OSBPL9: variants seen among roughly 807,000 people sequenced by gnomAD.
OSBPL9 encodes oxysterol binding protein like 9.
Under a neutral mutation model 106.6 loss-of-function variants are expected in OSBPL9, and 40 were observed. The observed-to-expected ratio is 0.38, with a 90% CI of 0.29 to 0.49. The LOEUF (loss-of-function observed/expected upper bound fraction) is 0.49. Among genes scored for constraint, OSBPL9 ranks in the 20% least tolerant of loss-of-function variants. OSBPL9 has a pLI of 0.97. For synonymous variants in OSBPL9, 269 were observed against 295.4 expected (o/e 0.91, Z 0.92); for missense variants, 609 against 887.2 (o/e 0.69, Z 3.98).
chr1:51,787,922 ACTT>A lies in OSBPL9; in HGVS notation c.*134_*136del. 1.3e-6 allele frequency: 1 copy of A among 765,588 alleles called. No homozygotes were observed. The highest frequency in any genetic ancestry group is 2.1e-6 in the Non-Finnish European group (1 of 466,832). 47.4% of individuals were successfully genotyped at this position (765,588 alleles called of 1,614,324 possible). A position where few individuals can be genotyped will look rare whatever the true frequency, so the allele number is the denominator to read the frequency against. ...GTGGTTCCTATCTCAGGGATACTGG[ACTT>A]TCTGACGCAGATGAACAATTAAGGG... On this transcript the variant is annotated 3_prime_UTR_variant, in exon 24 of 24. Transcript: ENST00000428468.
chr1:51,708,613 A>G (rs1276183923), intron 3 of OSBPL9, among the ~76,000 whole-genome samples: 1 of 152,144 alleles, frequency 6.6e-6, no homozygotes, highest in Non-Finnish European at 1.5e-5. Context: ...TTTAATTAGC[A>G]CGTTTACTTC....
At chr1:51,571,166 T>G in the OSBPL9 span, among the ~76,000 whole-genome samples, 1 of 152,198 alleles carries the variant, frequency 6.6e-6, no homozygotes, top group South Asian at 2.1e-4. Context: ...TGAATAATTT[T>G]TAGCTTCTGA....
At chr1:51,564,471 C>T in the OSBPL9 span, among the ~76,000 whole-genome samples, 1 of 152,030 alleles carries the variant, frequency 6.6e-6, no homozygotes, top group African/African-American at 2.4e-5. Context: ...CCTTGTACCC[C>T]AGGACCCTCT....
At chr1:51,776,481 T>C (rs1287882826) in intron 14 of OSBPL9, among the ~76,000 whole-genome samples, 1 of 152,210 alleles carries the variant, frequency 6.6e-6, no homozygotes, top group African/African-American at 2.4e-5. Flanking sequence ...AATAAAATAA[T>C]GTATATGTAA....
In OSBPL9 at chr1:51,702,925, G is replaced by C. The variant is rs537664008; in HGVS notation, c.242-11078G>C. Reference sequence around the variant, plus strand: ...AATGCTTTCCCCATTTCTTGTTTTTGTCAGCTTTGTCAAAGATCAGTTAGT... The same window carrying C: ...AATGCTTTCCCCATTTCTTGTTTTTCTCAGCTTTGTCAAAGATCAGTTAGT... On this transcript the variant is annotated intron_variant, in intron 3 of 23. Transcript: ENST00000428468. 5.9e-5 allele frequency among the ~76,000 whole-genome samples: 9 copies of C among 152,234 alleles called. No individual in the cohort carries two copies. In the South Asian group the frequency reaches 1.9e-3, roughly 32 times the overall value.
intron 1 of OSBPL9, among the ~76,000 whole-genome samples, chr1:51,586,048 C>T (rs1377951704): frequency 6.6e-6 from 1 of 151,406 alleles, no homozygotes; most frequent in Non-Finnish European, 1.5e-5. Flanking sequence ...GTGGCGCACA[C>T]CTGTAATCAC....
At chr1:51,662,310 A>G (rs142994957) in intron 2 of OSBPL9, among the ~76,000 whole-genome samples, 3 of 152,278 alleles carry the variant, frequency 2.0e-5, no homozygotes, top group African/African-American at 4.8e-5. Context: ...GGAAAAAGAG[A>G]GAGAGAGACA....
At chr1:51,773,485 C>T (rs1674385726) in intron 14 of OSBPL9, among the ~76,000 whole-genome samples, 1 of 152,154 alleles carries the variant, frequency 6.6e-6, no homozygotes, top group Non-Finnish European at 1.5e-5. Flanking sequence ...GTGGCTGAGT[C>T]GTGTTAAGTC....
At chr1:51,574,753 T>G (rs1225333718), upstream of OSBPL9, among the ~76,000 whole-genome samples, 1 of 152,224 alleles carries the variant, frequency 6.6e-6, no homozygotes, top group Non-Finnish European at 1.5e-5. Context: ...GACTCATCCC[T>G]TACACATATT....
intron 2 of OSBPL9, among the ~76,000 whole-genome samples, chr1:51,607,624 A>G (rs952363271): frequency 3.3e-5 from 5 of 152,130 alleles, no homozygotes; most frequent in African/African-American, 9.7e-5. Context: ...AGGAGATCCA[A>G]TTCAATCTCT....
intron 4 of OSBPL9, among the ~76,000 whole-genome samples, chr1:51,720,009 TC>T (rs1043870624): frequency 6.6e-6 from 1 of 152,250 alleles, no homozygotes; most frequent in East Asian, 1.9e-4. Context: ...TGGGAAGACT[TC>T]CTTGGCATAG....
chr1:51,528,884 T>TA, the OSBPL9 span, among the ~76,000 whole-genome samples: 1 of 151,622 alleles, frequency 6.6e-6, no homozygotes, highest in East Asian at 1.9e-4. Context: ...AAATAAAGAA[T>TA]AAAAAATATC....
chr1:51,680,622 C>T (rs1021248707), intron 3 of OSBPL9, among the ~76,000 whole-genome samples: 14 of 151,758 alleles, frequency 9.2e-5, no homozygotes, highest in Non-Finnish European at 1.9e-4. Flanking sequence ...GATTGCACTG[C>T]TGCACTCCAG....
the OSBPL9 span, among the ~76,000 whole-genome samples, chr1:51,538,884 G>A: frequency 9.2e-5 from 14 of 151,998 alleles, no homozygotes; most frequent in East Asian, 7.7e-4. Context: ...AAACTTTCTC[G>A]TCTCTTGGTT....
At position 51,608,680 on chromosome 1, in the gene OSBPL9, G is replaced by C. The variant is rs550824188; in HGVS notation, c.-352-5625G>C. ...TGGTCACCTGACATTCCTGGATTGG[G>C]GGGGGGGGCTTTCCTGCCCTGCTCT... On this transcript the variant is annotated intron_variant, in intron 2 of 25. Coordinates refer to the OSBPL9 transcript ENST00000371714. 3.3e-3 allele frequency among the ~76,000 whole-genome samples: 503 copies of C among 151,364 alleles called. 1 individual carries two copies. The highest frequency in any genetic ancestry group is 0.011 in the African/African-American group (450 of 41,146).
intron 2 of OSBPL9, among the ~76,000 whole-genome samples, chr1:51,602,121 C>T (rs1235322677): frequency 6.9e-6 from 1 of 144,212 alleles, no homozygotes; most frequent in Non-Finnish European, 1.5e-5. Context: ...TCTGGGTTCA[C>T]GCCATTCTCC....
At chr1:51,613,335 A>G (rs1020475663), upstream of OSBPL9, among the ~76,000 whole-genome samples, 2 of 152,248 alleles carry the variant, frequency 1.3e-5, no homozygotes, top group Admixed American at 6.5e-5. Flanking sequence ...TCAAGTTTCT[A>G]TAGGAAGTGT....
At chr1:51,773,287 G>A (rs1674349630) in intron 14 of OSBPL9, among the ~76,000 whole-genome samples, 1 of 152,106 alleles carries the variant, frequency 6.6e-6, no homozygotes. Context: ...ATTTGAATTT[G>A]AATTTAAACT....
At chr1:51,542,671 T>C in the OSBPL9 span, among the ~76,000 whole-genome samples, 1 of 152,174 alleles carries the variant, frequency 6.6e-6, no homozygotes, top group Non-Finnish European at 1.5e-5. Flanking sequence ...ACAACATGCA[T>C]GTAAGGTATA....
Sources: gnomAD v4.1 joint callset for allele counts (sites outside exome capture counted in the v4.1 genomes callset) on GRCh38, gnomAD v4.1.1 for gene constraint, MANE v1.5 for transcripts, NCBI Gene and HGNC (gene_info 2026-07-23, HGNC 2026-07-21) for gene names.